RAD54L2: variants seen among roughly 807,000 people sequenced by gnomAD.
RAD54L2 encodes helicase ARIP4.
Under a neutral mutation model 138.4 loss-of-function variants are expected in RAD54L2, and 27 were observed. That is an observed-to-expected ratio of 0.20 (90% CI 0.14 to 0.27). RAD54L2 has a LOEUF of 0.27. Ranked by LOEUF, RAD54L2 falls within the 10% of genes least tolerant of loss-of-function variation. RAD54L2 has a pLI of 1.00. For synonymous variants in RAD54L2, 644 were observed against 723.2 expected, an observed-to-expected ratio of 0.89 and a Z score of 1.76; for missense variants, 1,396 against 1,890.2, an observed-to-expected ratio of 0.74 and a Z score of 4.85.
rs1342852408 is a variant in RAD54L2 at position 51,538,805 on chromosome 3, A to AGCCGCCGCCCCCGCCTCC, written c.-218_-201dup. On this transcript the variant is annotated 5_prime_UTR_variant, in exon 1 of 23. Transcript: ENST00000684192. ...GGCCTGGCCGGCTGCTTCCCGCCTC[A>AGCCGCCGCCCCCGCCTCC]GCCGCCGCCCCCGCCTCCGCCGCCG... Among the ~76,000 whole-genome samples, 129 of 151,812 alleles carry AGCCGCCGCCCCCGCCTCC rather than the reference A, an allele frequency of 8.5e-4. No individual in the cohort carries two copies. The highest frequency in any genetic ancestry group is 3.0e-3 in the African/African-American group (123 of 41,462).
At chr3:51,614,919 A>T (rs1319190043) in intron 3 of RAD54L2, among the ~76,000 whole-genome samples, 2 of 146,978 alleles carry the variant, frequency 1.4e-5, no homozygotes, top group Non-Finnish European at 3.0e-5. Context: ...ATGATGAGGA[A>T]TTTTTTTTTT....
intron 1 of RAD54L2, among the ~76,000 whole-genome samples, chr3:51,539,740 T>G (rs1698505072): frequency 6.6e-6 from 1 of 152,152 alleles, no homozygotes; most frequent in African/African-American, 2.4e-5. Flanking sequence ...GTGGGCTTCC[T>G]GATGGAGAGT....
chr3:51,602,168 T>G (rs1204921246), intron 3 of RAD54L2, among the ~76,000 whole-genome samples: 1 of 152,134 alleles, frequency 6.6e-6, no homozygotes, highest in Admixed American at 6.5e-5. Context: ...CAGGGCATTG[T>G]TTTTTTATTT....
chr3:51,602,568 G>T (rs1050474872), intron 3 of RAD54L2, among the ~76,000 whole-genome samples: 2 of 152,160 alleles, frequency 1.3e-5, no homozygotes, highest in East Asian at 3.8e-4. Context: ...AAAAAGCTGT[G>T]TAGCCCCATG....
chr3:51,540,845 A>G (rs1698531257), intron 1 of RAD54L2, among the ~76,000 whole-genome samples: 1 of 152,082 alleles, frequency 6.6e-6, no homozygotes, highest in East Asian at 1.9e-4. Context: ...TGAGGTCAGG[A>G]GATTGAGCCT....
intron 1 of RAD54L2, among the ~76,000 whole-genome samples, chr3:51,539,519 G>A (rs1698499600): frequency 1.3e-5 from 2 of 152,192 alleles, no homozygotes; most frequent in South Asian, 2.1e-4. Context: ...GCACCCTGAC[G>A]AGGAGTGGTT....
rs773796365 is a variant in RAD54L2, at chr3:51,662,825, G to C, written c.3809G>C (p.Arg1270Pro). 2.5e-6 allele frequency: 4 copies of C among 1,612,066 alleles called. No homozygotes were observed. The Admixed American group carries it at 6.7e-5, about 27-fold the overall frequency. ...CCTGCTGCCCAGGAGTCATCCCGCC[G>C]GCGGTCCAGGAAGGGTCATCTGCCA... is the stretch of plus-strand genomic sequence containing the variant. The part of the protein sequence containing the change: ...TPPAAQESSR[R>P]RSRKGHLPAP... Residue 1270 changes from arginine (R) to proline (P), a missense_variant, in exon 23 of 23, where the codon CGG becomes CCG. By Grantham distance (103) the Arg-to-Pro change is moderately radical. Transcript: ENST00000684192. The surrounding 1 kb of genome is among the most constrained non-coding windows in gnomAD (Gnocchi z 4.6).
intron 3 of RAD54L2, among the ~76,000 whole-genome samples, chr3:51,604,223 G>T (rs996265578): frequency 6.6e-6 from 1 of 152,116 alleles, no homozygotes; most frequent in Non-Finnish European, 1.5e-5. Flanking sequence ...TGTGGGGGAG[G>T]TACAGATGGG....
At chr3:51,592,250 A>G (rs1699855734) in intron 3 of RAD54L2, among the ~76,000 whole-genome samples, 1 of 150,888 alleles carries the variant, frequency 6.6e-6, no homozygotes, top group African/African-American at 2.4e-5. Flanking sequence ...TTTAGTAGAG[A>G]CGGGATTTCT....
intron 14 of RAD54L2, among the ~76,000 whole-genome samples, chr3:51,640,588 G>C (rs1020508973): frequency 5.9e-5 from 9 of 152,220 alleles, no homozygotes; most frequent in African/African-American, 1.9e-4. Context: ...GAAGAGCCAA[G>C]TGGCAGGAGC....
At chr3:51,648,862 G>A (rs1008505789) in intron 19 of RAD54L2, among the ~76,000 whole-genome samples, 5 of 152,156 alleles carry the variant, frequency 3.3e-5, no homozygotes, top group Non-Finnish European at 7.4e-5. Flanking sequence ...GAGCAGAAAA[G>A]CTGAAAATTC....
chr3:51,662,617 G>A lies in RAD54L2; in HGVS notation c.3601G>A (p.Ala1201Thr), dbSNP rs146832677. 64 of 1,612,410 alleles carry A rather than the reference G, an allele frequency of 4.0e-5. No individual in the cohort carries two copies. In the African/African-American group the frequency reaches 5.7e-4, roughly 14 times the overall value. The change falls in exon 23 of 23, where the codon GCC becomes ACC. Residue 1201 changes from alanine (A) to threonine (T), a missense_variant. This residue lies in a region of RAD54L2 where 634 missense variants were observed against 711.2 expected (regional missense o/e 0.89). Transcript: ENST00000684192. The surrounding 1 kb of genome is among the most constrained non-coding windows in gnomAD (Gnocchi z 4.6). The part of the protein sequence containing the change: ...SRQSSPSTNA[A>T]LPGPPAQLMD... Reference sequence around the variant, plus strand: ...TCAGAGCTCCCCAAGCACCAATGCCGCCCTGCCTGGCCCCCCGGCCCAACT... The same window carrying A: ...TCAGAGCTCCCCAAGCACCAATGCCACCCTGCCTGGCCCCCCGGCCCAACT...
intron 2 of RAD54L2, among the ~76,000 whole-genome samples, chr3:51,573,718 G>T (rs1052344805): frequency 1.3e-5 from 2 of 152,102 alleles, no homozygotes; most frequent in East Asian, 3.9e-4. Context: ...GAGCCACTGC[G>T]CCTGGCCCAA....
At chr3:51,605,151 G>A (rs1265518576) in intron 3 of RAD54L2, among the ~76,000 whole-genome samples, 5 of 148,382 alleles carry the variant, frequency 3.4e-5, no homozygotes, top group Admixed American at 6.9e-5. Context: ...GTGCAGTGGC[G>A]CGATCTCCGC....
chr3:51,632,889 T>C (rs1700884978), intron 7 of RAD54L2, among the ~76,000 whole-genome samples: 1 of 143,490 alleles, frequency 7.0e-6, no homozygotes, highest in Non-Finnish European at 1.5e-5. Flanking sequence ...CAAGACTCCG[T>C]CTCAAAAAAA....
At chr3:51,583,631 T>G (rs1699655186) in intron 2 of RAD54L2, among the ~76,000 whole-genome samples, 1 of 150,154 alleles carries the variant, frequency 6.7e-6, no homozygotes, top group East Asian at 2.0e-4. Flanking sequence ...TTCTCCATGT[T>G]AGTCAGGCTG....
At chr3:51,551,499 G>A (rs188753708) in intron 2 of RAD54L2, among the ~76,000 whole-genome samples, 16 of 151,444 alleles carry the variant, frequency 1.1e-4, no homozygotes, top group African/African-American at 3.6e-4. Context: ...GCAGTGGCGC[G>A]ATCTCGGCTC....
chr3:51,650,525 C>T (rs969456268), intron 19 of RAD54L2, among the ~76,000 whole-genome samples: 6 of 152,172 alleles, frequency 3.9e-5, no homozygotes, highest in South Asian at 2.1e-4. Context: ...AAATTGACCA[C>T]GTAGTTGGAA....
At chr3:51,552,703 G>GCTGGGATTA (rs1193633605) in intron 2 of RAD54L2, among the ~76,000 whole-genome samples, 1 of 151,232 alleles carries the variant, frequency 6.6e-6, no homozygotes, top group Non-Finnish European at 1.5e-5. Context: ...TCCTGAGGTA[G>GCTGGGATTA]CTGGGATTAC....
Sources: allele counts gnomAD v4.1 joint callset (sites outside exome capture counted in the v4.1 genomes callset), GRCh38; gene constraint gnomAD v4.1.1; regional missense constraint gnomAD v4.1.1; non-coding constraint Gnocchi (gnomAD v3.1); transcripts MANE v1.5; gene names NCBI Gene and HGNC (gene_info 2026-07-23, HGNC 2026-07-21).